The following SNX3 variants were observed in gnomAD, a reference collection of about 807,000 sequenced individuals.
SNX3 encodes the protein sorting nexin 3, also known as sorting nexin-3.
Under a neutral mutation model 17.7 loss-of-function variants are expected in SNX3, and 5 were observed. The ratio of observed to expected loss-of-function variants is 0.28; its 90% CI spans 0.15 to 0.59. SNX3 has a LOEUF of 0.59. Among genes scored for constraint, SNX3 ranks in the 20% least tolerant of loss-of-function variants. The pLI is 0.88. For missense variants in SNX3, 132 were observed against 206.8 expected (o/e 0.64, Z 2.22); for synonymous variants, 91 against 76.5 (o/e 1.19, Z -0.99).
chr6:108,237,377 A>G lies in SNX3; in HGVS notation c.163-14332T>C, dbSNP rs12525209. 3.9e-3 allele frequency among the ~76,000 whole-genome samples: 591 copies of G among 152,324 alleles called. 22 individuals are homozygous for G. In the East Asian group the frequency reaches 0.061, roughly 16 times the overall value. On this transcript the variant is annotated intron_variant, in intron 1 of 3. Transcript: ENST00000230085. ...CTCTAGCCCTCAAATCTTACTTGGAAGCATGGTAAGATTTTAAACCATGAT... is the reference window on the plus strand; with the variant it reads ...CTCTAGCCCTCAAATCTTACTTGGAGGCATGGTAAGATTTTAAACCATGAT...
At chr6:108,248,670 G>T (rs367848959) in intron 1 of SNX3, among the ~76,000 whole-genome samples, 1 of 152,126 alleles carries the variant, frequency 6.6e-6, no homozygotes, top group Non-Finnish European at 1.5e-5. Flanking sequence ...ACATAATCTG[G>T]CCTTCTAAAC....
chr6:108,234,825 C>T (rs1244868606), intron 1 of SNX3, among the ~76,000 whole-genome samples: 2 of 152,124 alleles, frequency 1.3e-5, no homozygotes, highest in Non-Finnish European at 2.9e-5. Flanking sequence ...ACTAGAAAAT[C>T]TGGCTTTAAT....
At position 108,255,497 on chromosome 6, in the gene SNX3, C is replaced by T. The variant is rs149539807; in HGVS notation, c.162+5263G>A. Among the ~76,000 whole-genome samples the T allele has an allele frequency of 1.9e-3, 284 of 152,022 alleles. 2 individuals are homozygous for T. The highest frequency in any genetic ancestry group is 6.6e-3 in the African/African-American group (273 of 41,474). The stretch of plus-strand genomic sequence containing the variant: ...CCTCCCACATAGCTGGGACTACAGG[C>T]ACACGCCACCATGCCTGGCTAATTT... On this transcript the variant is annotated intron_variant, in intron 1 of 3. Transcript: ENST00000230085.
At chr6:108,241,234 C>T (rs78656953) in intron 1 of SNX3, among the ~76,000 whole-genome samples, 3,925 of 150,772 alleles carry the variant, frequency 0.026, 122 homozygotes, top group South Asian at 0.088. Flanking sequence ...ATCTAAACAT[C>T]CATGGCTGAA....
At chr6:108,256,508 C>T (rs1291094527) in intron 1 of SNX3, among the ~76,000 whole-genome samples, 1 of 152,204 alleles carries the variant, frequency 6.6e-6, no homozygotes, top group African/African-American at 2.4e-5. Flanking sequence ...TGTGCCTTAT[C>T]CCATTTAGTC....
intron 1 of SNX3, among the ~76,000 whole-genome samples, chr6:108,247,267 A>G (rs1047563027): frequency 2.6e-5 from 4 of 152,058 alleles, no homozygotes; most frequent in African/African-American, 9.7e-5. Context: ...CAAATTACCC[A>G]GTCTCGGGTA....
In SNX3 at chr6:108,222,870, C is replaced by T. The variant is rs552489596; in HGVS notation, c.258+80G>A. The T allele has an allele frequency of 6.0e-6, 5 of 826,632 alleles. No homozygotes were observed. The South Asian group carries it at 7.5e-5, about 12-fold the overall frequency. The allele number at this position is 826,632 out of a possible 1,614,324, so 51.2% of individuals were successfully genotyped here. ...CATATTTGCTTTTACCCATTTTATT[C>T]AATATCATTTTCCTGAGAAATATTA... On this transcript the variant is annotated intron_variant, in intron 2 of 3. Coordinates refer to ENST00000230085, the MANE Select transcript of SNX3 (RefSeq NM_003795.6).
intron 3 of SNX3, among the ~76,000 whole-genome samples, chr6:108,213,676 T>C (rs1048589183): frequency 2.7e-5 from 4 of 150,428 alleles, no homozygotes; most frequent in African/African-American, 4.9e-5. Flanking sequence ...AAATCTAATA[T>C]AGTACTGCCT....
chr6:108,238,947 G>C (rs969884291), intron 1 of SNX3, among the ~76,000 whole-genome samples: 8 of 151,410 alleles, frequency 5.3e-5, no homozygotes, highest in Admixed American at 4.6e-4. Flanking sequence ...GGTCACCCAG[G>C]CTGGAGTGCC....
chr6:108,213,600 C>T (rs1282726171), intron 3 of SNX3, among the ~76,000 whole-genome samples: 3 of 149,056 alleles, frequency 2.0e-5, no homozygotes, highest in Non-Finnish European at 4.4e-5. Context: ...TTCACTGAGC[C>T]GAGACTGCAC....
At chr6:108,229,214 C>T (rs1256539099) in intron 1 of SNX3, among the ~76,000 whole-genome samples, 1 of 139,876 alleles carries the variant, frequency 7.1e-6, no homozygotes, top group African/African-American at 2.7e-5. Context: ...GAGGTGAGAT[C>T]ATGCCACTGC....
rs567240441 is a variant in SNX3, at chr6:108,228,367, G to A, written c.163-5322C>T. Among the ~76,000 whole-genome samples, 241 of 152,180 alleles carry A rather than the reference G, an allele frequency of 1.6e-3. 3 individuals are homozygous for A. The highest frequency in any genetic ancestry group is 5.6e-3 in the African/African-American group (233 of 41,502). On this transcript the variant is annotated intron_variant, in intron 1 of 3. Transcript: ENST00000230085. The stretch of plus-strand genomic sequence containing the variant: ...AGTTCGCGACCAGCCTGGACAACAT[G>A]GTGAAACCCTGTCTCTACTAAAAAC...
At chr6:108,243,102 ACTT>A (rs2114749729) in intron 1 of SNX3, among the ~76,000 whole-genome samples, 1 of 152,290 alleles carries the variant, frequency 6.6e-6, no homozygotes, top group South Asian at 2.1e-4. Context: ...TTAAATTTTT[ACTT>A]TTTTTAAGAG....
In SNX3 at chr6:108,260,986, C is replaced by CGCCGCT; in HGVS notation, c.-71_-66dup. 1.4e-6 allele frequency: 2 copies of CGCCGCT among 1,386,356 alleles called. No individual in the cohort carries two copies. The highest frequency in any genetic ancestry group is 3.0e-5 in the East Asian group (1 of 33,606). 85.9% of individuals were successfully genotyped at this position (1,386,356 alleles called of 1,614,324 possible). A position where few individuals can be genotyped will look rare whatever the true frequency, so the allele number is the denominator to read the frequency against. ...CCCCTCCGCGTTCAGCCGCCGCCGC[C>CGCCGCT]GCCGCTGCTGCCCGCCGTGGGGACA... is the stretch of plus-strand genomic sequence containing the variant. On this transcript the variant is annotated 5_prime_UTR_variant, in exon 1 of 4. Coordinates refer to ENST00000230085, the MANE Select transcript of SNX3 (RefSeq NM_003795.6).
Position 108,235,688 on chromosome 6 carries a change from G to C in SNX3, c.163-12643C>G, listed in dbSNP as rs140020703. On this transcript the variant is annotated intron_variant, in intron 1 of 3. Transcript: ENST00000230085. ...AGGTGGGTGAATCACTTGAGGTCAG[G>C]AGATCACGACTAGCCTGCCCAATAT... Among the ~76,000 whole-genome samples the C allele has an allele frequency of 4.6e-5, 7 of 152,242 alleles. 1 individual carries two copies. The East Asian group carries it at 1.4e-3, about 29-fold the overall frequency.
intron 1 of SNX3, among the ~76,000 whole-genome samples, chr6:108,231,100 T>A (rs1297264959): frequency 6.7e-6 from 1 of 150,264 alleles, no homozygotes; most frequent in Non-Finnish European, 1.5e-5. Context: ...TCCTCCCACC[T>A]CTGGTGGTGT....
intron 2 of SNX3, among the ~76,000 whole-genome samples, chr6:108,217,487 G>C (rs1774623964): frequency 6.6e-6 from 1 of 152,098 alleles, no homozygotes. Flanking sequence ...GGGTGCGGTA[G>C]CTCACATATG....
intron 1 of SNX3, among the ~76,000 whole-genome samples, chr6:108,253,223 A>AAT (rs1775920028): frequency 6.6e-6 from 1 of 152,172 alleles, no homozygotes; most frequent in African/African-American, 2.4e-5. Flanking sequence ...ATAAAGTGAC[A>AAT]ATATTTATAA....
intron 1 of SNX3, among the ~76,000 whole-genome samples, chr6:108,240,327 T>C (rs1775477787): frequency 6.6e-6 from 1 of 152,156 alleles, no homozygotes; most frequent in South Asian, 2.1e-4. Flanking sequence ...CAAGCAATTC[T>C]CCTGCCTCAG....
Sources: gnomAD v4.1 joint callset for allele counts (sites outside exome capture counted in the v4.1 genomes callset) on GRCh38, gnomAD v4.1.1 for gene constraint, MANE v1.5 for transcripts, NCBI Gene and HGNC (gene_info 2026-07-23, HGNC 2026-07-21) for gene names.